The following TOGARAM2 variants were observed in gnomAD, a reference collection of about 807,000 sequenced individuals.
TOGARAM2 encodes TOG array regulator of axonemal microtubules 2.
Under a neutral mutation model 93.3 loss-of-function variants are expected in TOGARAM2, and 85 were observed. That is an observed-to-expected ratio of 0.91 (90% confidence interval 0.76 to 1.09). The LOEUF is 1.09. TOGARAM2 is among the 50% of genes least tolerant of loss of function. The pLI, the probability that TOGARAM2 is intolerant of heterozygous loss-of-function variation, is 0.00. For missense variants in TOGARAM2, 1,277 were observed against 1,334.5 expected (o/e 0.96, Z 0.67); for synonymous variants, 593 against 552.8 (o/e 1.07, Z -1.02).
chr2:29,009,811 C>G (rs1438684267), intron 6 of TOGARAM2, among the ~76,000 whole-genome samples: 1 of 151,688 alleles, frequency 6.6e-6, no homozygotes, highest in Non-Finnish European at 1.5e-5. Flanking sequence ...TGCGGAGGAG[C>G]CTGAGCGGTG....
At chr2:28,957,807 C>T (rs1007091917) in intron 1 of TOGARAM2, among the ~76,000 whole-genome samples, 19 of 152,084 alleles carry the variant, frequency 1.2e-4, no homozygotes, top group Non-Finnish European at 2.6e-4. Flanking sequence ...GGGAGGGTAT[C>T]TTCAATAGGA....
At chr2:28,982,523 C>T (rs1402417249) in intron 1 of TOGARAM2, among the ~76,000 whole-genome samples, 2 of 152,146 alleles carry the variant, frequency 1.3e-5, no homozygotes, top group African/African-American at 4.8e-5. Flanking sequence ...GCCCTGCAGC[C>T]TTCTAGCCAC....
chr2:29,032,142 A>G (rs1412084961), intron 14 of TOGARAM2, among the ~76,000 whole-genome samples: 1 of 152,162 alleles, frequency 6.6e-6, no homozygotes, highest in African/African-American at 2.4e-5. Context: ...ACTGATGTAC[A>G]AATTGAATCA....
chr2:28,971,070 G>T (rs1463310287), intron 1 of TOGARAM2: 4 of 152,234 alleles, frequency 2.6e-5, no homozygotes, highest in Non-Finnish European at 5.9e-5. Context: ...ACCCTGGACT[G>T]GGACTTGTTG....
intron 14 of TOGARAM2, among the ~76,000 whole-genome samples, 172 bp downstream of exon 14, chr2:29,027,183 C>T (rs1665446600): frequency 6.6e-6 from 1 of 152,224 alleles, no homozygotes; most frequent in African/African-American, 2.4e-5. Flanking sequence ...TCAAGCCAAG[C>T]CCATTCAGGG....
In TOGARAM2 at chr2:29,033,486, TGA is replaced by T; in HGVS notation, c.2149_2150del (p.Glu717ThrfsTer17). The T allele has an allele frequency of 1.2e-6, 2 of 1,613,486 alleles. No homozygotes were observed. Among genetic ancestry groups the T allele is most frequent in the South Asian group, 1.1e-5 (1 of 90,824 alleles). On this transcript the variant is annotated frameshift_variant, in exon 16 of 20. Coordinates refer to ENST00000379558, the MANE Select transcript of TOGARAM2 (RefSeq NM_199280.4). LOFTEE classifies it high-confidence loss of function. ...IKQQGIEDND[E>X]LPSAKGRKVL... ...TTTTCAAGGGAATAGAAGATAATGA[TGA>T]ACTTCCCTCTGCCAAAGGCCGCAAG...
chr2:29,034,095 A>C (rs1054486395), intron 16 of TOGARAM2, among the ~76,000 whole-genome samples: 2 of 151,686 alleles, frequency 1.3e-5, no homozygotes, highest in African/African-American at 4.8e-5. Flanking sequence ...TCCCATCTGA[A>C]CTCCTTAGCA....
chr2:29,006,292 C>CAT (rs1442266555), intron 6 of TOGARAM2, among the ~76,000 whole-genome samples: 2 of 124,468 alleles, frequency 1.6e-5, no homozygotes, highest in South Asian at 2.7e-4. Flanking sequence ...TGTATGTGTG[C>CAT]ATGTGTGTGT....
intron 6 of TOGARAM2, among the ~76,000 whole-genome samples, chr2:29,006,924 T>C (rs140868433): frequency 1.3e-5 from 2 of 152,258 alleles, no homozygotes; most frequent in African/African-American, 4.8e-5. Context: ...TTTCCTCTTA[T>C]CTCTTTACTC....
At chr2:29,006,402 G>A (rs572486361) in intron 6 of TOGARAM2, among the ~76,000 whole-genome samples, 1 of 138,996 alleles carries the variant, frequency 7.2e-6, no homozygotes, top group Admixed American at 7.5e-5. Flanking sequence ...GTGTGTGAGT[G>A]CATGTGTGTT....
intron 9 of TOGARAM2, 122 bp from the exon 10 acceptor site, chr2:29,017,670 C>T (rs1664668251): frequency 1.0e-6 from 1 of 1,000,512 alleles, no homozygotes; most frequent in Non-Finnish European, 1.4e-6. Context: ...CTCGGACTCC[C>T]AACATGTTGG....
intron 19 of TOGARAM2, chr2:29,049,659 G>A (rs992974004): frequency 1.3e-5 from 2 of 152,178 alleles, no homozygotes; most frequent in African/African-American, 4.8e-5. Context: ...TCAAGCACAA[G>A]GAATAGAACT....
At chr2:28,965,935 A>G (rs1671859685) in intron 1 of TOGARAM2, among the ~76,000 whole-genome samples, 1 of 151,866 alleles carries the variant, frequency 6.6e-6, no homozygotes, top group African/African-American at 2.4e-5. Context: ...TAATTGTTTC[A>G]CACTTTGTCC....
At position 28,994,072 on chromosome 2, in the gene TOGARAM2, G is replaced by A. The variant is rs540509460; in HGVS notation, c.-110-653G>A. 2.0e-5 allele frequency among the ~76,000 whole-genome samples: 3 copies of A among 152,358 alleles called. No homozygotes were observed. In the South Asian group the frequency reaches 6.2e-4, roughly 32 times the overall value. On this transcript the variant is annotated intron_variant, in intron 1 of 19. Coordinates refer to ENST00000379558, the MANE Select transcript of TOGARAM2 (RefSeq NM_199280.4). ...ATTGTGTGAAGCTGCAGAGTGTGCA[G>A]TGAGACCCTGTCACATGGAAATAAA...
At chr2:28,997,682 G>A (rs1421296810) in intron 2 of TOGARAM2, among the ~76,000 whole-genome samples, 1 of 152,226 alleles carries the variant, frequency 6.6e-6, no homozygotes, top group Non-Finnish European at 1.5e-5. Flanking sequence ...TGGATGCTCT[G>A]TAACGGGTGG....
At chr2:29,015,321 A>G (rs961618694) in intron 8 of TOGARAM2, among the ~76,000 whole-genome samples, 1 of 152,156 alleles carries the variant, frequency 6.6e-6, no homozygotes, top group Non-Finnish European at 1.5e-5. Flanking sequence ...CTGTGGCCAC[A>G]TCGTAGGCCT....
intron 2 of TOGARAM2, among the ~76,000 whole-genome samples, chr2:28,996,827 T>G (rs1348417190): frequency 7.6e-6 from 1 of 132,290 alleles, no homozygotes; most frequent in Non-Finnish European, 1.7e-5. Flanking sequence ...AAAAAAAAGA[T>G]AATGACCTCC....
At chr2:29,012,334 G>C (rs774850635) in intron 7 of TOGARAM2, among the ~76,000 whole-genome samples, 3 of 152,166 alleles carry the variant, frequency 2.0e-5, no homozygotes, top group Non-Finnish European at 4.4e-5. Flanking sequence ...TTGGCGAAGG[G>C]GGGTGGCTGT....
chr2:29,023,436 G>A lies in TOGARAM2; in HGVS notation c.1617+245G>A, dbSNP rs72788142. ...TAGAATCCCACATGCCCATGTGTCG[G>A]CCTGCATGGTCCTCTGTACTCAAAA... is the stretch of plus-strand genomic sequence containing the variant. On this transcript the variant is annotated intron_variant, in intron 12 of 19. Coordinates refer to ENST00000379558, the MANE Select transcript of TOGARAM2 (RefSeq NM_199280.4). Among the ~76,000 whole-genome samples, 1,267 of 152,300 alleles carry A rather than the reference G, an allele frequency of 8.3e-3. 4 individuals are homozygous for A. Among genetic ancestry groups the A allele is most frequent in the Middle Eastern group, 0.017 (5 of 294 alleles).
Sources: gnomAD v4.1 joint callset for allele counts (sites outside exome capture counted in the v4.1 genomes callset) on GRCh38, gnomAD v4.1.1 for gene constraint, MANE v1.5 for transcripts, NCBI Gene and HGNC (gene_info 2026-07-23, HGNC 2026-07-21) for gene names.